Variants in GLDC observed in about 807,000 individuals in gnomAD.
GLDC encodes the protein glycine dehydrogenase (decarboxylating), mitochondrial.
Under a neutral mutation model 121.3 loss-of-function variants are expected in GLDC, and 104 were observed. The ratio of observed to expected loss-of-function variants is 0.86; its 90% CI spans 0.73 to 1.01. The LOEUF (loss-of-function observed/expected upper bound fraction) is 1.01, where lower values mean the gene tolerates loss of function less well. GLDC is among the 50% of genes least tolerant of loss of function. The pLI, the probability that GLDC is intolerant of heterozygous loss-of-function variation, is 0.00. For missense variants in GLDC, 1,429 were observed against 1,306.6 expected (o/e 1.09, Z -1.44); for synonymous variants, 546 against 480.6 (o/e 1.14, Z -1.78).
chr9:6,605,794 G>A (rs1402218218), intron 5 of GLDC: 1 of 218,528 alleles, frequency 4.6e-6, no homozygotes, highest in South Asian at 8.0e-5. Flanking sequence ...ACCAATAGTG[G>A]TTGTTGCGAG....
intron 15 of GLDC, among the ~76,000 whole-genome samples, chr9:6,582,786 G>A (rs979821901): frequency 1.3e-5 from 2 of 150,030 alleles, no homozygotes; most frequent in South Asian, 2.1e-4. Context: ...CCGATATCGC[G>A]CCACTGCACT....
At chr9:6,559,844 G>C (rs1396975769) in intron 16 of GLDC, among the ~76,000 whole-genome samples, 6 of 151,884 alleles carry the variant, frequency 4.0e-5, no homozygotes, top group Admixed American at 2.0e-4. Flanking sequence ...AAATAAAAAT[G>C]ACCAACCCCT....
rs370297328 is a variant in GLDC at position 6,536,153 on chromosome 9, C to G, written c.2749G>C (p.Asp917His). ...CTGATCATGGCATCACAGAATCTGTCCAGCTCTGCCTTGTCCTCCGACTCA... is the reference window on the plus strand; with the variant it reads ...CTGATCATGGCATCACAGAATCTGTGCAGCTCTGCCTTGTCCTCCGACTCA... ...PTESEDKAEL[D>H]RFCDAMISIR... Residue 917 changes from aspartate (D) to histidine (H), a missense_variant, in exon 23 of 25, where the codon GAC (aspartate) becomes CAC (histidine). Asp to His is a moderately conservative substitution (Grantham distance 81). Transcript: ENST00000321612. 1.9e-6 allele frequency: 3 copies of G among 1,613,984 alleles called. No homozygotes were observed. Among genetic ancestry groups the G allele is most frequent in the South Asian group, 1.1e-5 (1 of 91,074 alleles).
intron 15 of GLDC, among the ~76,000 whole-genome samples, chr9:6,580,991 G>A (rs1308211509): frequency 6.6e-6 from 1 of 152,158 alleles, no homozygotes; most frequent in African/African-American, 2.4e-5. Flanking sequence ...GGACAGCTCC[G>A]ACATAAAATG....
intron 3 of GLDC, among the ~76,000 whole-genome samples, chr9:6,615,403 C>T (rs945234220): frequency 6.6e-6 from 1 of 150,534 alleles, no homozygotes; most frequent in Non-Finnish European, 1.5e-5. Context: ...CACAGAGAAA[C>T]CTTGTCTCTA....
At chr9:6,572,260 A>C (rs554461140) in intron 15 of GLDC, among the ~76,000 whole-genome samples, 1 of 152,230 alleles carries the variant, frequency 6.6e-6, no homozygotes, top group Non-Finnish European at 1.5e-5. Context: ...GTATCTGCAA[A>C]CTACCATAGC....
chr9:6,591,274 G>A (rs985691182), intron 11 of GLDC, among the ~76,000 whole-genome samples: 1 of 152,142 alleles, frequency 6.6e-6, no homozygotes, highest in Non-Finnish European at 1.5e-5. Flanking sequence ...TCCCTCTTGT[G>A]CCATCTTGGT....
chr9:6,541,289 G>C (rs1817252668), intron 21 of GLDC: 1 of 151,946 alleles, frequency 6.6e-6, no homozygotes, highest in Non-Finnish European at 1.5e-5. Flanking sequence ...ATTCCTCCGG[G>C]GCTTCCCAAA....
intron 2 of GLDC, among the ~76,000 whole-genome samples, chr9:6,643,658 C>G (rs1819673212): frequency 6.6e-6 from 1 of 151,718 alleles, no homozygotes; most frequent in Admixed American, 6.6e-5. Flanking sequence ...TATTTTAAAC[C>G]TAAAATAAAA....
rs780029956 is a variant in GLDC at position 6,556,274 on chromosome 9, G to C, written c.2081C>G (p.Ala694Gly). 1.2e-6 allele frequency: 2 copies of C among 1,613,462 alleles called. No individual in the cohort carries two copies. Among genetic ancestry groups the C allele is most frequent in the Middle Eastern group, 1.6e-4 (1 of 6,062 alleles). Reference protein sequence around the residue: ...MVDKHKENLAAIMITYPSTNG... With the variant: ...MVDKHKENLAGIMITYPSTNG... ...GGTGGATGGGTATGTAATCATGATA[G>C]CTGCTAGGTTCTCCTTGTGCTTATC... Residue 694 changes from alanine to glycine, a missense_variant, in exon 18 of 25, where the codon GCT becomes GGT. Physicochemically the swap from Ala to Gly is moderately conservative, Grantham distance 60 (BLOSUM62 0). Transcript: ENST00000321612.
chr9:6,628,544 A>C (rs1819294550), intron 2 of GLDC, among the ~76,000 whole-genome samples: 1 of 152,260 alleles, frequency 6.6e-6, no homozygotes, highest in Non-Finnish European at 1.5e-5. Flanking sequence ...TAATCCCAGC[A>C]CTTTGGGAGG....
At chr9:6,639,669 G>GTATATATGTATATATATATA in intron 2 of GLDC, 1 of 221,862 alleles carries the variant, frequency 4.5e-6, no homozygotes, top group Admixed American at 6.4e-5. Context: ...TAAAAAAAAA[G>GTATATATGTATATATATATA]TATATATATA....
intron 6 of GLDC, 60 bp from the exon 7 acceptor site, chr9:6,604,844 G>C (rs1245669947): frequency 3.7e-6 from 5 of 1,352,738 alleles, no homozygotes; most frequent in African/African-American, 1.4e-5. Flanking sequence ...AGTAGTGGGA[G>C]AGTAGGAAAT....
At chr9:6,597,122 C>G (rs2129867844) in intron 8 of GLDC, among the ~76,000 whole-genome samples, 1 of 152,258 alleles carries the variant, frequency 6.6e-6, no homozygotes, top group East Asian at 1.9e-4. Context: ...GTACAAAAGG[C>G]CACACATTGT....
chr9:6,553,375 T>C lies in GLDC; in HGVS notation c.2450A>G (p.Tyr817Cys). 1.2e-6 allele frequency: 2 copies of C among 1,613,958 alleles called. No individual in the cohort carries two copies. Among genetic ancestry groups the C allele is most frequent in the Non-Finnish European group, 1.7e-6 (2 of 1,179,924 alleles). The change falls in exon 20 of 25, where the codon TAT becomes TGT. Residue 817 changes from tyrosine to cysteine, a missense_variant. Tyr to Cys is a radical substitution (Grantham distance 194). Transcript: ENST00000321612. ...CATACTCCCAGGCCTCACCTTGATA[T>C]AAGCCCAGGAAATGGGCAAGATGGA... ...SSSILPISWAYIKMMGGKGLK... is the reference protein window; with the variant it reads ...SSSILPISWACIKMMGGKGLK...
At chr9:6,570,689 A>G (rs1817944037) in intron 15 of GLDC, among the ~76,000 whole-genome samples, 2 of 152,110 alleles carry the variant, frequency 1.3e-5, no homozygotes, top group African/African-American at 4.8e-5. Context: ...CTTCGTCTCT[A>G]CTAAAAATAC....
intron 4 of GLDC, among the ~76,000 whole-genome samples, chr9:6,609,130 A>G (rs1818799540): frequency 6.6e-6 from 1 of 152,232 alleles, no homozygotes; most frequent in Non-Finnish European, 1.5e-5. Flanking sequence ...ATGGCCATCT[A>G]CATGAGAATT....
intron 15 of GLDC, chr9:6,565,780 G>C (rs887403866): frequency 3.9e-6 from 2 of 507,352 alleles, no homozygotes; most frequent in Admixed American, 3.5e-5. Flanking sequence ...ACTACGACGT[G>C]TGTGTCAGCC....
At chr9:6,644,050 A>AAGAAAAAAAAAAAAAAAAAAAAAAAAAAC (rs55988287) in intron 2 of GLDC, among the ~76,000 whole-genome samples, 2 of 92,702 alleles carry the variant, frequency 2.2e-5, no homozygotes, top group African/African-American at 4.8e-5. Flanking sequence ...AAAAAAAAAA[A>AAGAAAAAAAAAAAAAAAAAAAAAAAAAAC]CGAAAAAAAA....
Sources: gnomAD v4.1 joint callset for allele counts (sites outside exome capture counted in the v4.1 genomes callset) on GRCh38, gnomAD v4.1.1 for gene constraint, MANE v1.5 for transcripts, NCBI Gene and HGNC (gene_info 2026-07-23, HGNC 2026-07-21) for gene names.